PDE7B: variants seen among roughly 807,000 people sequenced by gnomAD.
PDE7B encodes the protein 3',5'-cyclic-AMP phosphodiesterase 7B.
A neutral mutation model predicts 56.2 loss-of-function variants in PDE7B; 29 were observed. The observed-to-expected ratio is 0.52, with a 90% confidence interval of 0.38 to 0.70. The LOEUF (loss-of-function observed/expected upper bound fraction) is 0.70. Ranked by LOEUF, PDE7B falls within the 30% of genes least tolerant of loss-of-function variation. The probability of loss-of-function intolerance (pLI) is 0.00; values close to 1 mark genes in which losing one functional copy is unlikely to be tolerated. For missense variants in PDE7B, 490 were observed against 565.0 expected (o/e 0.87, Z 1.35); for synonymous variants, 197 against 196.9 (o/e 1.00, Z 0.00).
intron 8 of PDE7B, among the ~76,000 whole-genome samples, chr6:136,157,276 A>G (rs1055048665): frequency 1.3e-5 from 2 of 152,168 alleles, no homozygotes; most frequent in African/African-American, 4.8e-5. Context: ...AAGGCAGACA[A>G]GAGGGTTCTA....
intron 1 of PDE7B, among the ~76,000 whole-genome samples, chr6:135,941,424 T>C (rs1774504989): frequency 6.6e-6 from 1 of 152,214 alleles, no homozygotes; most frequent in South Asian, 2.1e-4. Flanking sequence ...CAAGAGGCAA[T>C]TGCACCAATA....
intron 2 of PDE7B, among the ~76,000 whole-genome samples, chr6:135,949,465 C>T (rs1774658046): frequency 6.6e-6 from 1 of 152,016 alleles, no homozygotes; most frequent in African/African-American, 2.4e-5. Context: ...TGCCAGATTG[C>T]ACAAAATTCT....
intron 2 of PDE7B, among the ~76,000 whole-genome samples, chr6:136,076,360 C>T (rs1039234023): frequency 6.6e-6 from 1 of 152,152 alleles, no homozygotes; most frequent in East Asian, 1.9e-4. Context: ...GTAATCCCAG[C>T]TACTTGGGAG....
intron 1 of PDE7B, among the ~76,000 whole-genome samples, chr6:135,880,084 T>G (rs1003569076): frequency 5.9e-5 from 9 of 152,174 alleles, no homozygotes; most frequent in African/African-American, 2.2e-4. Flanking sequence ...AAATCACTCT[T>G]GTTTTCATAC....
At chr6:136,167,845 G>A (rs1415212101) in intron 8 of PDE7B, among the ~76,000 whole-genome samples, 1 of 152,194 alleles carries the variant, frequency 6.6e-6, no homozygotes, top group Non-Finnish European at 1.5e-5. Flanking sequence ...AAGGTCGGCT[G>A]CCTACTCATA....
intron 2 of PDE7B, among the ~76,000 whole-genome samples, chr6:136,000,000 T>A (rs746493406): frequency 1.3e-5 from 2 of 152,258 alleles, no homozygotes; most frequent in Non-Finnish European, 2.9e-5. Flanking sequence ...TGATTTGCAT[T>A]TCTGTAATGA....
chr6:135,933,306 C>T (rs1478513666), intron 1 of PDE7B, among the ~76,000 whole-genome samples: 1 of 152,228 alleles, frequency 6.6e-6, no homozygotes, highest in Non-Finnish European at 1.5e-5. Context: ...ACAAGATACA[C>T]CCCTTAAAAA....
At chr6:135,944,553 A>G (rs1044334390) in intron 1 of PDE7B, among the ~76,000 whole-genome samples, 6 of 152,148 alleles carry the variant, frequency 3.9e-5, no homozygotes, top group Admixed American at 3.3e-4. Flanking sequence ...AGGTGAAGAC[A>G]AGGAAGAGGA....
In PDE7B at chr6:135,934,207, C is replaced by A. The variant is rs999183643; in HGVS notation, c.22-13257C>A. Among the ~76,000 whole-genome samples, 3 of 152,190 alleles carry A rather than the reference C, an allele frequency of 2.0e-5. No individual in the cohort carries two copies. The South Asian group carries it at 6.2e-4, about 32-fold the overall frequency. Reference sequence around the variant, plus strand: ...ACTACAAACCATGAATAACATGACACCTACTACTTCAAATAATCCCCAAGT... The same window carrying A: ...ACTACAAACCATGAATAACATGACAACTACTACTTCAAATAATCCCCAAGT... On this transcript the variant is annotated intron_variant, in intron 1 of 12. Coordinates refer to ENST00000308191, the MANE Select transcript of PDE7B (RefSeq NM_018945.4).
At chr6:135,865,103 T>C (rs1444309908) in intron 1 of PDE7B, among the ~76,000 whole-genome samples, 4 of 151,942 alleles carry the variant, frequency 2.6e-5, no homozygotes, top group Non-Finnish European at 4.4e-5. Context: ...ATGTGGCACA[T>C]ATACACCATG....
chr6:136,089,664 C>T (rs1287846245), intron 2 of PDE7B, among the ~76,000 whole-genome samples: 3 of 152,116 alleles, frequency 2.0e-5, no homozygotes, highest in African/African-American at 7.2e-5. Context: ...AATGAGTTTG[C>T]CAAAGTGAAC....
At chr6:135,934,209 T>C (rs1198997639) in intron 1 of PDE7B, among the ~76,000 whole-genome samples, 1 of 152,250 alleles carries the variant, frequency 6.6e-6, no homozygotes, top group South Asian at 2.1e-4. Flanking sequence ...ACATGACACC[T>C]ACTACTTCAA....
chr6:135,953,220 A>G (rs1295576796), intron 2 of PDE7B, among the ~76,000 whole-genome samples: 1 of 132,342 alleles, frequency 7.6e-6, no homozygotes, highest in Non-Finnish European at 1.7e-5. Flanking sequence ...GTTATTTTAT[A>G]TCTATATTTT....
chr6:136,108,253 C>A (rs1223755587), intron 2 of PDE7B, among the ~76,000 whole-genome samples: 2 of 152,024 alleles, frequency 1.3e-5, no homozygotes, highest in African/African-American at 4.8e-5. Context: ...GCAAGGCTAG[C>A]CTGTGAGCCG....
intron 1 of PDE7B, among the ~76,000 whole-genome samples, chr6:135,868,511 A>T (rs978464179): frequency 3.3e-5 from 5 of 151,920 alleles, no homozygotes; most frequent in Admixed American, 6.6e-5. Context: ...GGCTCACTGC[A>T]ACCTCCGCCT....
intron 2 of PDE7B, among the ~76,000 whole-genome samples, chr6:136,024,936 A>G (rs1776126195): frequency 6.6e-6 from 1 of 152,176 alleles, no homozygotes; most frequent in African/African-American, 2.4e-5. Flanking sequence ...TCTATGACCA[A>G]TCTGTTTTCT....
chr6:136,093,942 C>A (rs1010454615), intron 2 of PDE7B: 4 of 152,270 alleles, frequency 2.6e-5, no homozygotes, highest in African/African-American at 9.6e-5. Flanking sequence ...ATCTGCCACT[C>A]TCCTCCTTTC....
At chr6:136,059,980 T>G (rs2128212442) in intron 2 of PDE7B, among the ~76,000 whole-genome samples, 1 of 152,254 alleles carries the variant, frequency 6.6e-6, no homozygotes. Context: ...CCTTTGAGAA[T>G]TTTCAACCCA....
intron 1 of PDE7B, among the ~76,000 whole-genome samples, chr6:135,920,411 G>T (rs891128947): frequency 1.3e-5 from 2 of 152,152 alleles, no homozygotes; most frequent in African/African-American, 2.4e-5. Context: ...CTTTTGAGAA[G>T]TTATTTCTTT....
Sources: allele counts gnomAD v4.1 joint callset (sites outside exome capture counted in the v4.1 genomes callset), GRCh38; gene constraint gnomAD v4.1.1; transcripts MANE v1.5; gene names NCBI Gene and HGNC (gene_info 2026-07-23, HGNC 2026-07-21).